Variants in DEPDC1B observed in about 807,000 individuals in gnomAD.
DEPDC1B encodes DEP domain-containing protein 1B.
A neutral mutation model predicts 66.5 loss-of-function variants in DEPDC1B; 51 were observed. The ratio of observed to expected loss-of-function variants is 0.77; its 90% CI spans 0.61 to 0.97. DEPDC1B has a LOEUF of 0.97. Ranked by LOEUF, DEPDC1B falls within the 50% of genes least tolerant of loss-of-function variation. DEPDC1B has a pLI of 0.00. For synonymous variants in DEPDC1B, 226 were observed against 223.6 expected (o/e 1.01, Z -0.10); for missense variants, 552 against 637.1 (o/e 0.87, Z 1.44).
At chr5:60,658,733 A>G (rs563777337) in intron 2 of DEPDC1B, among the ~76,000 whole-genome samples, 16 of 152,318 alleles carry the variant, frequency 1.1e-4, no homozygotes, top group African/African-American at 3.8e-4. Flanking sequence ...TATAAACCCA[A>G]GCATTCCAGC....
At chr5:60,613,756 C>T (rs150858320) in intron 7 of DEPDC1B, among the ~76,000 whole-genome samples, 113 of 150,638 alleles carry the variant, frequency 7.5e-4, no homozygotes, top group Admixed American at 6.0e-4. Context: ...TGAACTAAGA[C>T]AGTCCATGAA....
intron 7 of DEPDC1B, among the ~76,000 whole-genome samples, chr5:60,611,075 C>T (rs968489549): frequency 2.0e-5 from 3 of 152,208 alleles, no homozygotes; most frequent in African/African-American, 4.8e-5. Context: ...TTAATCAAGG[C>T]TATCACCACC....
chr5:60,676,981 A>T (rs1754176547), intron 2 of DEPDC1B, among the ~76,000 whole-genome samples: 1 of 152,198 alleles, frequency 6.6e-6, no homozygotes, highest in Non-Finnish European at 1.5e-5. Flanking sequence ...GAAGTTAATA[A>T]TGTTAAGTGT....
At chr5:60,696,500 G>A (rs1353977802) in intron 1 of DEPDC1B, among the ~76,000 whole-genome samples, 1 of 151,960 alleles carries the variant, frequency 6.6e-6, no homozygotes, top group Non-Finnish European at 1.5e-5. Flanking sequence ...GGGTTATTTG[G>A]CTACTCTGCT....
rs76111408 is a variant in DEPDC1B at position 60,641,704 on chromosome 5, T to C, written c.757+1108A>G. Among the ~76,000 whole-genome samples the C allele has an allele frequency of 7.1e-3, 1,083 of 152,292 alleles. 11 individuals are homozygous for C. Among genetic ancestry groups the C allele is most frequent in the African/African-American group, 0.025 (1,032 of 41,556 alleles). On this transcript the variant is annotated intron_variant, in intron 6 of 10. Transcript: ENST00000265036. ...CTCATTTATACTCTCTATCTCATCA[T>C]TGTCAACCCTAGACAAGGATGTAAT...
At chr5:60,683,637 C>G (rs1472978619) in intron 2 of DEPDC1B, among the ~76,000 whole-genome samples, 1 of 152,112 alleles carries the variant, frequency 6.6e-6, no homozygotes, top group Non-Finnish European at 1.5e-5. Context: ...CCATATATGA[C>G]AAACTCACAG....
At chr5:60,632,188 G>T (rs373951173) in intron 7 of DEPDC1B, among the ~76,000 whole-genome samples, 32 of 152,326 alleles carry the variant, frequency 2.1e-4, no homozygotes, top group African/African-American at 7.5e-4. Flanking sequence ...GGCACTAAAA[G>T]GCCATCTGTC....
chr5:60,670,116 G>C (rs1472299650), intron 2 of DEPDC1B, among the ~76,000 whole-genome samples: 1 of 152,210 alleles, frequency 6.6e-6, no homozygotes, highest in Admixed American at 6.5e-5. Context: ...AGGGCGCAGT[G>C]GCTCACGCCT....
intron 2 of DEPDC1B, among the ~76,000 whole-genome samples, chr5:60,675,118 C>A (rs555571892): frequency 4.6e-5 from 7 of 152,246 alleles, no homozygotes; most frequent in Admixed American, 2.6e-4. Flanking sequence ...AGAAGACATG[C>A]CTGAGCCCTC....
At chr5:60,671,275 A>G (rs929253387) in intron 2 of DEPDC1B, among the ~76,000 whole-genome samples, 3 of 152,192 alleles carry the variant, frequency 2.0e-5, no homozygotes, top group Non-Finnish European at 4.4e-5. Flanking sequence ...TCCATCTTCT[A>G]GGTTTCCACT....
rs767319649 is a variant in DEPDC1B, at chr5:60,599,098, C to T, written c.1405G>A (p.Glu469Lys). 20 of 1,594,020 alleles carry T rather than the reference C, an allele frequency of 1.3e-5. No homozygotes were observed. Among genetic ancestry groups the T allele is most frequent in the Non-Finnish European group, 1.7e-5 (20 of 1,173,704 alleles). The change falls in exon 10 of 11, where the codon GAG becomes AAG. Residue 469 changes from glutamate to lysine, a missense_variant. Glu to Lys is a moderately conservative substitution (Grantham distance 56, BLOSUM62 1). Coordinates refer to ENST00000265036, the MANE Select transcript of DEPDC1B (RefSeq NM_018369.3). ...VITDAKLSNK[E>K]KKKKLKQFQK... ...ACCTGCTTCAGTTTCTTCTTTTTCT[C>T]TTTGTTGGAGAGTTTGGCATCTGTT... is the stretch of plus-strand genomic sequence containing the variant.
chr5:60,617,878 A>G (rs937922912), intron 7 of DEPDC1B, among the ~76,000 whole-genome samples: 2 of 152,238 alleles, frequency 1.3e-5, no homozygotes, highest in Non-Finnish European at 2.9e-5. Context: ...AACTGACCAC[A>G]TAGTTGGAAG....
chr5:60,643,006 TA>T, intron 5 of DEPDC1B, 147 bp from the exon 6 acceptor site: 1 of 621,026 alleles, frequency 1.6e-6, no homozygotes, highest in Non-Finnish European at 2.8e-6. Flanking sequence ...TTAGAACATT[TA>T]AAAGATGGAA....
chr5:60,645,434 A>G, intron 4 of DEPDC1B, 58 bp downstream of exon 4: 1 of 1,469,920 alleles, frequency 6.8e-7, no homozygotes, highest in South Asian at 1.4e-5. Context: ...AGAGTGAAGA[A>G]GTAGCAAAAT....
rs187469759 is a variant in DEPDC1B, at chr5:60,680,324, T to C, written c.314+6638A>G. On this transcript the variant is annotated intron_variant, in intron 2 of 10. Transcript: ENST00000265036. The stretch of plus-strand genomic sequence containing the variant: ...TCTCTGTAACATCTCATTATTATTA[T>C]AGGCATTCAGATATTATGAACTTGC... Among the ~76,000 whole-genome samples the C allele has an allele frequency of 1.5e-3, 234 of 152,318 alleles. 4 individuals are homozygous for C. The highest frequency in any genetic ancestry group is 1.9e-4 in the Non-Finnish European group (13 of 68,022).
chr5:60,622,865 A>G (rs1031078676), intron 7 of DEPDC1B, among the ~76,000 whole-genome samples: 15 of 151,770 alleles, frequency 9.9e-5, no homozygotes, highest in African/African-American at 2.9e-4. Context: ...TTTTTATTGC[A>G]TTGTCTTAGT....
At chr5:60,674,115 A>G (rs1218243788) in intron 2 of DEPDC1B, among the ~76,000 whole-genome samples, 2 of 151,858 alleles carry the variant, frequency 1.3e-5, no homozygotes, top group East Asian at 1.9e-4. Context: ...AAACCTGGGT[A>G]AGGATATTAA....
At chr5:60,618,431 T>C (rs139053348) in intron 7 of DEPDC1B, among the ~76,000 whole-genome samples, 17,356 of 151,450 alleles carry the variant, frequency 0.11, 1,033 homozygotes, top group Middle Eastern at 0.14. Context: ...ATCAAATAGA[T>C]GCAATAAAAA....
At position 60,597,651 on chromosome 5, in the gene DEPDC1B, T is replaced by C; in HGVS notation, c.*102A>G. ...TTTATCTATATTTCAGTAGTCTTTG[T>C]TTTATGCTTTTCTTTCTTCCACCAC... is the stretch of plus-strand genomic sequence containing the variant. On this transcript the variant is annotated 3_prime_UTR_variant, in exon 11 of 11. Coordinates refer to ENST00000265036, the MANE Select transcript of DEPDC1B (RefSeq NM_018369.3). 1 of 1,311,746 alleles carries C rather than the reference T, an allele frequency of 7.6e-7. No homozygotes were observed. The highest frequency in any genetic ancestry group is 1.4e-5 in the South Asian group (1 of 73,066). 81.3% of individuals were successfully genotyped at this position (1,311,746 alleles called of 1,614,324 possible).
Sources: allele counts gnomAD v4.1 joint callset (sites outside exome capture counted in the v4.1 genomes callset), GRCh38; gene constraint gnomAD v4.1.1; transcripts MANE v1.5; gene names NCBI Gene and HGNC (gene_info 2026-07-23, HGNC 2026-07-21).